The following PEG3 variants were observed in gnomAD, a reference collection of about 807,000 sequenced individuals.
The protein encoded by PEG3 is paternally-expressed gene 3 protein.
A neutral mutation model predicts 35.5 loss-of-function variants in PEG3; 23 were observed. The observed-to-expected ratio is 0.65, with a 90% confidence interval of 0.47 to 0.92. The LOEUF (loss-of-function observed/expected upper bound fraction) is 0.92. Ranked by LOEUF, PEG3 falls within the 40% of genes least tolerant of loss-of-function variation. The pLI, the probability that PEG3 is intolerant of heterozygous loss-of-function variation, is 0.00. For synonymous variants in PEG3, 707 were observed against 697.0 expected (o/e 1.01, Z -0.23); for missense variants, 1,960 against 1,985.3 (o/e 0.99, Z 0.24).
chr19:56,812,906 C>G lies in PEG3; in HGVS notation c.*769G>C, dbSNP rs1249413739. On this transcript the variant is annotated 3_prime_UTR_variant, in exon 10 of 10. Coordinates refer to ENST00000326441, the MANE Select transcript of PEG3 (RefSeq NM_006210.3). ...ACATAACATGTGGCAACCAATCAAT[C>G]TGGGTCACAAAAAGCCAATCCGTAT... 7.1e-6 allele frequency: 7 copies of G among 985,256 alleles called. No individual in the cohort carries two copies. The highest frequency in any genetic ancestry group is 1.8e-5 in the African/African-American group (1 of 57,092). 61.0% of individuals were successfully genotyped at this position (985,256 alleles called of 1,614,324 possible).
In PEG3 at chr19:56,815,441, T is replaced by C. The variant is rs867373918; in HGVS notation, c.3001A>G (p.Asn1001Asp). The change falls in exon 10 of 10, where the codon AAC (asparagine) becomes GAC (aspartate). Residue 1001 changes from asparagine (N) to aspartate (D), a missense_variant. By Grantham distance (23) the Asn-to-Asp change is conservative. Around this residue, in one of 5 missense-constraint regions of PEG3, gnomAD observed 798 missense variants for 782.4 expected, o/e 1.02. Coordinates refer to ENST00000326441, the MANE Select transcript of PEG3 (RefSeq NM_006210.3). ...CTGCGAATGACAGACCATTCATAGT[T>C]TCTGCTTCCAGAGGGCTTCTCCCTA... The part of the protein sequence containing the change: ...HDREKPSGSR[N>D]YEWSVIRSLA... The C allele has an allele frequency of 5.6e-6, 9 of 1,614,110 alleles. No homozygotes were observed. In the Middle Eastern group the frequency reaches 1.5e-3, roughly 266 times the overall value.
In PEG3 at chr19:56,813,153, T is replaced by C. The variant is rs80149212; in HGVS notation, c.*522A>G. 2.9e-5 allele frequency: 28 copies of C among 982,180 alleles called. No individual in the cohort carries two copies. In the East Asian group the frequency reaches 2.9e-3, roughly 100 times the overall value. The allele number at this position is 982,180 out of a possible 1,614,324, so 60.8% of individuals were successfully genotyped here. A position where few individuals can be genotyped will look rare whatever the true frequency, so the allele number is the denominator to read the frequency against. ...AATGCACAATAAATCTTTCTCAGGATCTAAGACACTTAAAAATATAATCAA... is the reference window on the plus strand; with the variant it reads ...AATGCACAATAAATCTTTCTCAGGACCTAAGACACTTAAAAATATAATCAA... On this transcript the variant is annotated 3_prime_UTR_variant, in exon 10 of 10. Transcript: ENST00000326441.
chr19:56,817,471 C>A lies in PEG3; in HGVS notation c.971G>T (p.Arg324Leu). The change falls in exon 10 of 10, where the codon CGC becomes CTC. Residue 324 changes from arginine (R) to leucine (L), a missense_variant. Arg to Leu is a moderately radical substitution (Grantham distance 102, BLOSUM62 -2). This residue lies in a region of PEG3 where 613 missense variants were observed against 577.1 expected (regional missense o/e 1.06). Transcript: ENST00000326441. ...IMEKFIKDVS[R>L]SSKSGRARES... ...CCTTGCTCTTCCCGATTTGGAACTG[C>A]GTGACACATCCTTGATGAATTTTTC... 1 of 1,613,626 alleles carries A rather than the reference C, an allele frequency of 6.2e-7. No individual in the cohort carries two copies. The highest frequency in any genetic ancestry group is 1.3e-5 in the African/African-American group (1 of 75,006).
At chr19:56,836,131 G>A (rs940827014) in intron 1 of PEG3, 27 bp from the exon 2 acceptor site, 14 of 453,538 alleles carry the variant, frequency 3.1e-5, no homozygotes, top group African/African-American at 2.2e-4. Context: ...AATGTGAGAC[G>A]CCAAGTTTAT....
At chr19:56,826,951 A>AT (rs2061099919) in intron 2 of PEG3, among the ~76,000 whole-genome samples, 1 of 152,222 alleles carries the variant, frequency 6.6e-6, no homozygotes, top group Admixed American at 6.5e-5. Flanking sequence ...TGAAAGCTAT[A>AT]TATCAGAATG....
At chr19:56,835,705 T>C (rs1212470116) in intron 2 of PEG3, among the ~76,000 whole-genome samples, 1 of 152,246 alleles carries the variant, frequency 6.6e-6, no homozygotes, top group East Asian at 1.9e-4. Context: ...AGTACACACT[T>C]GATCAATATT....
In PEG3 at chr19:56,824,494, A is replaced by G. The variant is rs771355806; in HGVS notation, c.162T>C (p.Tyr54=). The change falls in exon 4 of 10, where the codon TAT becomes TAC. Residue 54 remains tyrosine, a synonymous_variant. Coordinates refer to ENST00000326441, the MANE Select transcript of PEG3 (RefSeq NM_006210.3). ...TCTTCCGAGGCCCAACAAATTCCAC[A>G]TAGATTAGGTTCCGAAACCTCTGAT... ...FFHQRFRNLI[Y]VEFVGPRKTL... The G allele has an allele frequency of 6.2e-6, 10 of 1,614,126 alleles. No homozygotes were observed. Among genetic ancestry groups the G allele is most frequent in the Non-Finnish European group, 6.8e-6 (8 of 1,180,032 alleles).
intron 6 of PEG3, among the ~76,000 whole-genome samples, chr19:56,822,186 A>G (rs2060560991): frequency 6.6e-6 from 1 of 152,100 alleles, no homozygotes; most frequent in Admixed American, 6.5e-5. Flanking sequence ...CTCACTCCTG[A>G]TATCCTTCTC....
At chr19:56,821,523 T>C (rs1333046029) in intron 7 of PEG3, 128 bp downstream of exon 7, 2 of 1,146,130 alleles carry the variant, frequency 1.7e-6, no homozygotes, top group Non-Finnish European at 1.2e-6. Flanking sequence ...GGGCTCCTCC[T>C]GGAGCGCTGG....
Position 56,814,922 on chromosome 19 carries a change from G to T in PEG3, c.3520C>A (p.His1174Asn). Reference protein sequence around the residue: ...ECPKCGESFIHSSFLFEHQRI... With the variant: ...ECPKCGESFINSSFLFEHQRI... ...TGATGCTCGAAAAGGAATGAGCTAT[G>T]AATAAAAGATTCCCCACACTTTGGA... is the stretch of plus-strand genomic sequence containing the variant. Residue 1174 changes from histidine (H) to asparagine (N), a missense_variant, in exon 10 of 10, where the codon CAT (histidine) becomes AAT (asparagine). Physicochemically the swap from His to Asn is moderately conservative, Grantham distance 68. Coordinates refer to ENST00000326441, the MANE Select transcript of PEG3 (RefSeq NM_006210.3). The surrounding 1 kb of genome is among the most constrained non-coding windows in gnomAD (Gnocchi z 5.8). 1 of 1,614,154 alleles carries T rather than the reference G, an allele frequency of 6.2e-7. No homozygotes were observed. The highest frequency in any genetic ancestry group is 8.5e-7 in the Non-Finnish European group (1 of 1,180,020).
rs1420760015 is a variant in PEG3, at chr19:56,817,846, C to G, written c.773-11G>C. The stretch of plus-strand genomic sequence containing the variant: ...CTTCAGCAAGCTGCACTCCTGGTCA[C>G]AAGGACAATATGATGCCTCAAATTC... On this transcript the variant is annotated splice_polypyrimidine_tract_variant and intron_variant, in intron 8 of 9. Coordinates refer to ENST00000326441, the MANE Select transcript of PEG3 (RefSeq NM_006210.3). 1 of 1,611,432 alleles carries G rather than the reference C, an allele frequency of 6.2e-7. No homozygotes were observed. The highest frequency in any genetic ancestry group is 8.5e-7 in the Non-Finnish European group (1 of 1,178,044).
chr19:56,821,982 C>CA (rs2060537652), intron 6 of PEG3, among the ~76,000 whole-genome samples: 8 of 152,096 alleles, frequency 5.3e-5, no homozygotes, highest in Admixed American at 5.2e-4. Context: ...CTTCTGCTCC[C>CA]AGTCTCGGAG....
chr19:56,822,972 A>C, intron 5 of PEG3, 136 bp from the exon 6 acceptor site: 1 of 1,187,242 alleles, frequency 8.4e-7, no homozygotes, highest in Non-Finnish European at 1.2e-6. Flanking sequence ...AGAGAGCTCC[A>C]GGTTCCCAGG....
At chr19:56,828,121 C>A (rs2061235559) in intron 2 of PEG3, among the ~76,000 whole-genome samples, 5 of 152,194 alleles carry the variant, frequency 3.3e-5, no homozygotes, top group Admixed American at 3.3e-4. Flanking sequence ...ACTCACAGAG[C>A]AGGTGCAGGC....
intron 7 of PEG3, among the ~76,000 whole-genome samples, chr19:56,819,345 T>C (rs1390207085): frequency 6.6e-6 from 1 of 152,242 alleles, no homozygotes; most frequent in African/African-American, 2.4e-5. Context: ...CCTGAGGGCA[T>C]TTTTATAATT....
chr19:56,816,514 T>C lies in PEG3; in HGVS notation c.1928A>G (p.Lys643Arg), dbSNP rs751438047. Residue 643 changes from lysine to arginine, a missense_variant, in exon 10 of 10, where the codon AAA becomes AGA. Physicochemically the swap from Lys to Arg is conservative, Grantham distance 26. Transcript: ENST00000326441. Reference sequence around the variant, plus strand: ...TCTAGTATGGATTTTCTGATGTTCTTTCAGGGATGAGCTATGAAGGAAAGT... The same window carrying C: ...TCTAGTATGGATTTTCTGATGTTCTCTCAGGGATGAGCTATGAAGGAAAGT... ...GETFLHSSSLKEHQKIHTRGN... is the reference protein window; with the variant it reads ...GETFLHSSSLREHQKIHTRGN... 2 of 1,613,480 alleles carry C rather than the reference T, an allele frequency of 1.2e-6. No individual in the cohort carries two copies. Among genetic ancestry groups the C allele is most frequent in the Admixed American group, 3.3e-5 (2 of 59,942 alleles).
rs902536080 is a variant in PEG3, at chr19:56,812,997, A to C, written c.*678T>G. On this transcript the variant is annotated 3_prime_UTR_variant, in exon 10 of 10. Transcript: ENST00000326441. ...CGCAGATGAAATGGCTGCAGAAAGA[A>C]GCTAAAGTACTTATCTTTTCAAACA... The C allele has an allele frequency of 2.0e-6, 2 of 985,758 alleles. No individual in the cohort carries two copies. The highest frequency in any genetic ancestry group is 3.5e-5 in the African/African-American group (2 of 57,246). 61.1% of individuals were successfully genotyped at this position (985,758 alleles called of 1,614,324 possible).
At chr19:56,827,327 C>T (rs1487441083) in intron 2 of PEG3, among the ~76,000 whole-genome samples, 5 of 152,032 alleles carry the variant, frequency 3.3e-5, no homozygotes, top group African/African-American at 7.3e-5. Context: ...TTAACATGCT[C>T]AAGATTTTCT....
chr19:56,819,984 T>C (rs1975369206), intron 7 of PEG3, among the ~76,000 whole-genome samples: 1 of 152,086 alleles, frequency 6.6e-6, no homozygotes, highest in Non-Finnish European at 1.5e-5. Context: ...AAAAACTAAG[T>C]AGGGCAAGGA....
Sources: gnomAD v4.1 joint callset for allele counts (sites outside exome capture counted in the v4.1 genomes callset) on GRCh38, gnomAD v4.1.1 for gene constraint, gnomAD v4.1.1 regional missense constraint, Gnocchi (gnomAD v3.1) non-coding constraint, MANE v1.5 for transcripts, NCBI Gene and HGNC (gene_info 2026-07-23, HGNC 2026-07-21) for gene names.